Variants in NUP93 observed in about 807,000 individuals in gnomAD.
NUP93 encodes nucleoporin 93, also known as nuclear pore complex protein Nup93.
A neutral mutation model predicts 107.8 loss-of-function variants in NUP93; 55 were observed. The ratio of observed to expected loss-of-function variants is 0.51; its 90% CI spans 0.41 to 0.64. NUP93 has a LOEUF of 0.64. Ranked by LOEUF, NUP93 falls within the 30% of genes least tolerant of loss-of-function variation. The pLI is 0.00. For missense variants in NUP93, 937 were observed against 1,044.7 expected (o/e 0.90, Z 1.42); for synonymous variants, 390 against 397.5 (o/e 0.98, Z 0.22).
chr16:56,814,267 G>A (rs956908598), intron 5 of NUP93, among the ~76,000 whole-genome samples: 2 of 152,050 alleles, frequency 1.3e-5, no homozygotes, highest in African/African-American at 4.8e-5. Context: ...TGCAACTTCC[G>A]CTTCCCGGGC....
rs1255097101 is a variant in NUP93 at position 56,847,919 on chromosome 16, AAAG to A, written c.*3313_*3315del. 1 of 152,224 alleles carries A rather than the reference AAAG, an allele frequency of 6.6e-6. No individual in the cohort carries two copies. The highest frequency in any genetic ancestry group is 2.4e-5 in the African/African-American group (1 of 41,454). The allele number at this position is 152,224 out of a possible 1,614,324, so 9.4% of individuals were successfully genotyped here. On this transcript the variant is annotated 3_prime_UTR_variant, in exon 22 of 22. Transcript: ENST00000308159. ...ATCCTAGAACAGGCAGCTTTAAAGC[AAAG>A]AACTACAGACTTTTCCGCAGTGTCC...
intron 5 of NUP93, among the ~76,000 whole-genome samples, chr16:56,808,792 GTATA>G (rs1252488267): frequency 2.2e-5 from 3 of 138,944 alleles, no homozygotes; most frequent in African/African-American, 8.0e-5. Flanking sequence ...ATATAAATAT[GTATA>G]TAAATACATA....
rs1963791120 is a variant in NUP93, at chr16:56,831,768, C to T, written c.1086-74C>T. The T allele has an allele frequency of 8.7e-6, 13 of 1,489,610 alleles. No homozygotes were observed. In the Admixed American group the frequency reaches 2.4e-4, roughly 28 times the overall value. The allele number at this position is 1,489,610 out of a possible 1,614,324, so 92.3% of individuals were successfully genotyped here. ...TTCCCTGCTTTTATGTGTTTGGGACCTGGGACGCTTTCAGATGCCCTTGAG... is the reference window on the plus strand; with the variant it reads ...TTCCCTGCTTTTATGTGTTTGGGACTTGGGACGCTTTCAGATGCCCTTGAG... On this transcript the variant is annotated intron_variant, in intron 10 of 21. Transcript: ENST00000308159.
chr16:56,733,348 G>A (rs1458431267), intron 1 of NUP93, among the ~76,000 whole-genome samples: 1 of 152,122 alleles, frequency 6.6e-6, no homozygotes, highest in Non-Finnish European at 1.5e-5. Flanking sequence ...TTGATTGGAG[G>A]AACAAGAAGG....
At chr16:56,748,461 G>C (rs148205151) in intron 2 of NUP93, 35 bp downstream of exon 2, 7 of 1,540,388 alleles carry the variant, frequency 4.5e-6, no homozygotes, top group Non-Finnish European at 6.2e-6. Context: ...TTAGTACTGG[G>C]TGGCTTGCGG....
intron 20 of NUP93, among the ~76,000 whole-genome samples, chr16:56,840,996 C>CA (rs11428485): frequency 0.18 from 17,700 of 97,886 alleles, 1,340 homozygotes; most frequent in Middle Eastern, 0.32. Flanking sequence ...GACTTTGTCT[C>CA]AAAAAAAAAA....
At chr16:56,826,899 A>T (rs1305355491) in intron 8 of NUP93, among the ~76,000 whole-genome samples, 3 of 151,866 alleles carry the variant, frequency 2.0e-5, no homozygotes, top group African/African-American at 2.4e-5. Flanking sequence ...TACAAAAATT[A>T]GCCAGGCATG....
chr16:56,766,042 G>A (rs532080298), intron 3 of NUP93, among the ~76,000 whole-genome samples: 1 of 151,838 alleles, frequency 6.6e-6, no homozygotes, highest in South Asian at 2.1e-4. Flanking sequence ...TGTGAGCCAG[G>A]GATATAAGAT....
At position 56,752,937 on chromosome 16, in the gene NUP93, G is replaced by A. The variant is rs143682134; in HGVS notation, c.179+4511G>A. Among the ~76,000 whole-genome samples, 1,192 of 152,288 alleles carry A rather than the reference G, an allele frequency of 7.8e-3. 12 individuals carry two copies. The highest frequency in any genetic ancestry group is 0.027 in the African/African-American group (1,126 of 41,556). On this transcript the variant is annotated intron_variant, in intron 2 of 21. Coordinates refer to ENST00000308159, the MANE Select transcript of NUP93 (RefSeq NM_014669.5). The stretch of plus-strand genomic sequence containing the variant: ...CTTTTCAACAAATGATGCTAGGACA[G>A]TCACATGTCAGAAGGACCCAGAAAC...
Position 56,848,980 on chromosome 16 carries a change from G to A in NUP93, c.*4371G>A, listed in dbSNP as rs968453831. 2.0e-5 allele frequency: 3 copies of A among 152,134 alleles called. No individual in the cohort carries two copies. The highest frequency in any genetic ancestry group is 2.0e-4 in the Admixed American group (3 of 15,274). 9.4% of individuals were successfully genotyped at this position (152,134 alleles called of 1,614,324 possible). A position where few individuals can be genotyped will look rare whatever the true frequency, so the allele number is the denominator to read the frequency against. On this transcript the variant is annotated 3_prime_UTR_variant, in exon 22 of 22. Coordinates refer to ENST00000308159, the MANE Select transcript of NUP93 (RefSeq NM_014669.5). ...AGGATATTTTCCTGTCCTAACCTTG[G>A]TTTTTGAAATATGCTTCTCCTGTGT... is the stretch of plus-strand genomic sequence containing the variant.
At chr16:56,758,070 CAG>C (rs1491158299) in intron 2 of NUP93, among the ~76,000 whole-genome samples, 48 of 126,420 alleles carry the variant, frequency 3.8e-4, no homozygotes, top group African/African-American at 5.8e-4. Context: ...CACTCTGTCT[CAG>C]AAAAAAAAAA....
intron 3 of NUP93, among the ~76,000 whole-genome samples, chr16:56,794,654 C>T (rs1326057361): frequency 5.9e-5 from 9 of 151,832 alleles, no homozygotes; most frequent in African/African-American, 1.5e-4. Flanking sequence ...ATAGGCTGGG[C>T]GCGGTGGCTC....
At chr16:56,779,473 T>G (rs1314866739) in intron 3 of NUP93, among the ~76,000 whole-genome samples, 5 of 152,364 alleles carry the variant, frequency 3.3e-5, no homozygotes, top group Middle Eastern at 6.8e-3. Flanking sequence ...CTACCAAATT[T>G]AGGAATAGAT....
chr16:56,844,614 C>T lies in NUP93; in HGVS notation c.*5C>T. ...ATGGAGGTCCTCATGAATTAAGTGC[C>T]ATGCTTTGTGGGAGTCTGGGTCGGC... On this transcript the variant is annotated 3_prime_UTR_variant, in exon 22 of 22. Coordinates refer to ENST00000308159, the MANE Select transcript of NUP93 (RefSeq NM_014669.5). 4 of 1,583,624 alleles carry T rather than the reference C, an allele frequency of 2.5e-6. No homozygotes were observed. The highest frequency in any genetic ancestry group is 3.4e-6 in the Non-Finnish European group (4 of 1,163,450).
chr16:56,824,610 G>A (rs1473555124), intron 8 of NUP93, among the ~76,000 whole-genome samples: 1 of 152,176 alleles, frequency 6.6e-6, no homozygotes, highest in African/African-American at 2.4e-5. Context: ...TAAATTGCAG[G>A]CCTTTGCCAC....
At chr16:56,751,480 T>C (rs951437475) in intron 2 of NUP93, among the ~76,000 whole-genome samples, 1 of 152,208 alleles carries the variant, frequency 6.6e-6, no homozygotes, top group Non-Finnish European at 1.5e-5. Context: ...GAAAGTCAAA[T>C]AGTGAGTGGC....
chr16:56,781,884 T>C (rs1962521606), intron 3 of NUP93: 1 of 985,246 alleles, frequency 1.0e-6, no homozygotes, highest in African/African-American at 1.7e-5. Context: ...TGAATTTGTG[T>C]AGCGCACAAC....
intron 3 of NUP93, among the ~76,000 whole-genome samples, chr16:56,787,316 A>G (rs1251363558): frequency 1.3e-5 from 2 of 152,256 alleles, no homozygotes; most frequent in Admixed American, 6.5e-5. Context: ...GCTGCATAGC[A>G]GGAGGAGCTG....
At chr16:56,749,251 T>G (rs2144460135) in intron 2 of NUP93, among the ~76,000 whole-genome samples, 1 of 152,356 alleles carries the variant, frequency 6.6e-6, no homozygotes, top group Non-Finnish European at 1.5e-5. Context: ...TTATTTACTG[T>G]GTGTTACAAG....
Sources: gnomAD v4.1 joint callset for allele counts (sites outside exome capture counted in the v4.1 genomes callset) on GRCh38, gnomAD v4.1.1 for gene constraint, MANE v1.5 for transcripts, NCBI Gene and HGNC (gene_info 2026-07-23, HGNC 2026-07-21) for gene names.